The following MYCBP2 variants were observed in gnomAD, a reference collection of about 807,000 sequenced individuals.
The protein encoded by MYCBP2 is MYC binding protein 2.
MYCBP2 carries 120 observed loss-of-function variants against 525.3 expected under a neutral mutation model. That is an observed-to-expected ratio of 0.23 (90% CI 0.20 to 0.27). The LOEUF (loss-of-function observed/expected upper bound fraction) is 0.27. MYCBP2 is among the 10% of genes least tolerant of loss of function. The probability of loss-of-function intolerance (pLI) is 1.00; values close to 1 mark genes in which losing one functional copy is unlikely to be tolerated. For missense variants in MYCBP2, 4,149 were observed against 5,657.1 expected (o/e 0.73, Z 8.55); for synonymous variants, 1,894 against 1,955.8 (o/e 0.97, Z 0.83).
intron 52 of MYCBP2, among the ~76,000 whole-genome samples, chr13:77,130,733 T>C (rs2052626745): frequency 6.6e-6 from 1 of 152,198 alleles, no homozygotes. Flanking sequence ...TGGGTTTTTC[T>C]CCCTTACAAA....
intron 33 of MYCBP2, among the ~76,000 whole-genome samples, chr13:77,181,041 T>C (rs2060170787): frequency 6.6e-6 from 1 of 152,232 alleles, no homozygotes; most frequent in African/African-American, 2.4e-5. Context: ...AAAATTCTTT[T>C]TGTACACACA....
At chr13:77,286,536 G>C (rs1325786310) in intron 3 of MYCBP2, among the ~76,000 whole-genome samples, 7 of 150,460 alleles carry the variant, frequency 4.7e-5, no homozygotes, top group African/African-American at 1.7e-4. Flanking sequence ...GGCGGATCAC[G>C]AGGTCAGGAG....
chr13:77,217,659 T>C (rs1404750563), intron 21 of MYCBP2, among the ~76,000 whole-genome samples, 181 bp downstream of exon 21: 3 of 152,102 alleles, frequency 2.0e-5, no homozygotes, highest in Non-Finnish European at 4.4e-5. Context: ...AGAGGAAAAT[T>C]ACTTCAAAGA....
intron 7 of MYCBP2, among the ~76,000 whole-genome samples, chr13:77,268,934 G>C (rs2154343310): frequency 6.6e-6 from 1 of 152,268 alleles, no homozygotes; most frequent in Non-Finnish European, 1.5e-5. Flanking sequence ...AGCTCAGCAA[G>C]GCAGGCATGC....
In MYCBP2 at chr13:77,171,493, A is replaced by G. The variant is rs1238746226; in HGVS notation, c.5793T>C (p.Asp1931=). 1 of 1,609,792 alleles carries G rather than the reference A, an allele frequency of 6.2e-7. No individual in the cohort carries two copies. Among genetic ancestry groups the G allele is most frequent in the Non-Finnish European group, 8.5e-7 (1 of 1,178,430 alleles). Residue 1931 remains aspartate, a splice_region_variant and synonymous_variant, in exon 38 of 83, where the codon GAT becomes GAC. Transcript: ENST00000544440. ...KDLLHRALAV[D]ADDIPELLSS... ...CTACTGAGAAAGAAAAAATATTACC[A>G]TCCACAGCAAGAGCTCTGTGCAGGA... is the stretch of plus-strand genomic sequence containing the variant.
In MYCBP2 at chr13:77,217,723, T is replaced by C. The variant is rs572899796; in HGVS notation, c.3057+117A>G. The C allele has an allele frequency of 7.4e-6, 4 of 538,194 alleles. No individual in the cohort carries two copies. The South Asian group carries it at 1.2e-4, about 16-fold the overall frequency. 33.3% of individuals were successfully genotyped at this position (538,194 alleles called of 1,614,324 possible). ...GATGAAGGCATGAAATATGCATATG[T>C]AACAATTATAATATAATTGTTATAT... On this transcript the variant is annotated intron_variant, in intron 21 of 82. Transcript: ENST00000544440.
intron 52 of MYCBP2, among the ~76,000 whole-genome samples, chr13:77,127,242 G>A (rs1372320945): frequency 6.6e-6 from 1 of 151,882 alleles, no homozygotes; most frequent in African/African-American, 2.4e-5. Flanking sequence ...ATTTTTAGTA[G>A]AAAGGAGAAA....
At chr13:77,308,504 T>C (rs74095713) in intron 1 of MYCBP2, among the ~76,000 whole-genome samples, 4,581 of 152,286 alleles carry the variant, frequency 0.03, 242 homozygotes, top group African/African-American at 0.1. Flanking sequence ...ATCCATACAA[T>C]AGGGTGAAAA....
chr13:77,061,523 T>C, intron 75 of MYCBP2, 139 bp downstream of exon 75: 1 of 1,029,968 alleles, frequency 9.7e-7, no homozygotes, highest in Non-Finnish European at 1.4e-6. Flanking sequence ...TTATAGATGG[T>C]AAGCGAGACA....
At chr13:77,275,855 G>A (rs988439377) in intron 4 of MYCBP2, among the ~76,000 whole-genome samples, 5 of 152,000 alleles carry the variant, frequency 3.3e-5, no homozygotes, top group African/African-American at 9.7e-5. Context: ...ATTGTGGAAC[G>A]CGCCTGTAGT....
intron 2 of MYCBP2, among the ~76,000 whole-genome samples, chr13:77,296,050 G>T (rs1386735796): frequency 1.3e-5 from 2 of 152,166 alleles, no homozygotes; most frequent in Non-Finnish European, 2.9e-5. Flanking sequence ...CCAAAGGACT[G>T]ATCAAAGATA....
intron 44 of MYCBP2, among the ~76,000 whole-genome samples, chr13:77,160,041 G>A (rs148470203): frequency 1.1e-3 from 169 of 151,114 alleles, no homozygotes; most frequent in Non-Finnish European, 1.8e-3. Context: ...CCTATGATCA[G>A]AAGACAGTGT....
chr13:77,276,340 G>A (rs1393423786), intron 4 of MYCBP2, among the ~76,000 whole-genome samples: 5 of 151,058 alleles, frequency 3.3e-5, no homozygotes, highest in South Asian at 4.2e-4. Context: ...GAAAACAACC[G>A]AATGGGAAAA....
intron 26 of MYCBP2, among the ~76,000 whole-genome samples, chr13:77,202,846 C>T (rs538663709): frequency 6.6e-6 from 1 of 152,168 alleles, no homozygotes; most frequent in East Asian, 1.9e-4. Context: ...ATTCAACAAC[C>T]CTTCATGCTA....
intron 55 of MYCBP2, chr13:77,118,198 A>G (rs1594699493): frequency 1.7e-6 from 1 of 587,436 alleles, no homozygotes; most frequent in East Asian, 2.8e-5. Context: ...AATAGCTTAG[A>G]TATTTCAAAA....
In MYCBP2 at chr13:77,231,466, C is replaced by T. The variant is rs1041309130; in HGVS notation, c.2737+1690G>A. Among the ~76,000 whole-genome samples the T allele has an allele frequency of 1.4e-4, 22 of 152,110 alleles. 1 individual carries two copies. The highest frequency in any genetic ancestry group is 1.7e-4 in the African/African-American group (7 of 41,410). On this transcript the variant is annotated intron_variant, in intron 18 of 82. Coordinates refer to ENST00000544440, the MANE Select transcript of MYCBP2 (RefSeq NM_015057.5). Reference sequence around the variant, plus strand: ...TTCGCCATGTTAGCCAGGCTGGCCTCGAACTCCTGACCTCAAGTGATCCAC... The same window carrying T: ...TTCGCCATGTTAGCCAGGCTGGCCTTGAACTCCTGACCTCAAGTGATCCAC...
intron 12 of MYCBP2, among the ~76,000 whole-genome samples, chr13:77,260,832 A>C (rs1250105726): frequency 6.6e-6 from 1 of 152,160 alleles, no homozygotes; most frequent in Non-Finnish European, 1.5e-5. Flanking sequence ...AGTACATTCA[A>C]ATTCTCAGTG....
intron 62 of MYCBP2, among the ~76,000 whole-genome samples, chr13:77,086,818 ACT>A (rs1458076643): frequency 6.6e-6 from 1 of 151,962 alleles, no homozygotes; most frequent in Non-Finnish European, 1.5e-5. Flanking sequence ...CAATTTTTTC[ACT>A]GACATGCTAT....
intron 1 of MYCBP2, among the ~76,000 whole-genome samples, chr13:77,325,192 A>C (rs562580511): frequency 1.6e-4 from 25 of 152,378 alleles, no homozygotes; most frequent in African/African-American, 5.8e-4. Flanking sequence ...ATACCTAGTG[A>C]TAAGCTACAA....
Sources: allele counts gnomAD v4.1 joint callset (sites outside exome capture counted in the v4.1 genomes callset), GRCh38; gene constraint gnomAD v4.1.1; transcripts MANE v1.5; gene names NCBI Gene and HGNC (gene_info 2026-07-23, HGNC 2026-07-21).